Variants in GABRB1 observed in about 807,000 individuals in gnomAD.
The protein encoded by GABRB1 is gamma-aminobutyric acid type A receptor subunit beta1.
In GABRB1, 17 loss-of-function variants were observed where a neutral mutation model predicts 51.6. The ratio of observed to expected loss-of-function variants is 0.33; its 90% CI spans 0.23 to 0.49. GABRB1 has a LOEUF of 0.49. GABRB1 is among the 20% of genes least tolerant of loss of function. The pLI is 0.99. For synonymous variants in GABRB1, 247 were observed against 218.9 expected (o/e 1.13, Z -1.14); for missense variants, 410 against 600.6 (o/e 0.68, Z 3.32).
At chr4:47,075,031 TC>T (rs1416711669) in intron 3 of GABRB1, among the ~76,000 whole-genome samples, 2 of 152,146 alleles carry the variant, frequency 1.3e-5, no homozygotes, top group Non-Finnish European at 2.9e-5. Flanking sequence ...TAAAAATGGC[TC>T]CCATGAGGAT....
chr4:47,424,060 A>G (rs1729181907), intron 8 of GABRB1, among the ~76,000 whole-genome samples: 1 of 152,232 alleles, frequency 6.6e-6, no homozygotes, highest in Admixed American at 6.5e-5. Flanking sequence ...ACAGAGGGAA[A>G]CAATGATAGG....
chr4:47,099,310 T>C (rs909476633), intron 3 of GABRB1, among the ~76,000 whole-genome samples: 12 of 152,074 alleles, frequency 7.9e-5, no homozygotes, highest in African/African-American at 2.7e-4. Context: ...AAGCTGAGAA[T>C]CACTGCTGTA....
intron 3 of GABRB1, among the ~76,000 whole-genome samples, chr4:47,106,274 A>G (rs574372503): frequency 2.0e-5 from 3 of 152,090 alleles, no homozygotes; most frequent in African/African-American, 7.2e-5. Context: ...TAAAAAACCA[A>G]AATTGAACAA....
chr4:47,014,788 G>T (rs1221937689), intron 1 of GABRB1, among the ~76,000 whole-genome samples: 2 of 152,104 alleles, frequency 1.3e-5, no homozygotes, highest in Non-Finnish European at 2.9e-5. Context: ...CATATAATTG[G>T]TAATTAAATC....
intron 2 of GABRB1, 131 bp from the exon 3 acceptor site, chr4:47,032,286 T>C (rs1413311226): frequency 2.2e-6 from 2 of 892,228 alleles, no homozygotes; most frequent in Non-Finnish European, 3.5e-6. Context: ...GGCAGTCCCC[T>C]GAAAGGGGTG....
rs77362003 is a variant in GABRB1 at position 47,074,668 on chromosome 4, C to G, written c.240+42184C>G. Among the ~76,000 whole-genome samples the G allele has an allele frequency of 4.6e-5, 7 of 152,160 alleles. No individual in the cohort carries two copies. The East Asian group carries it at 1.4e-3, about 29-fold the overall frequency. ...ACATGCACAACATGCTAAAAGGGTT[C>G]AGAGGCAGGAGTGACAAACACAGAG... is the stretch of plus-strand genomic sequence containing the variant. On this transcript the variant is annotated intron_variant, in intron 3 of 8. Transcript: ENST00000295454.
intron 1 of GABRB1, among the ~76,000 whole-genome samples, chr4:46,995,435 T>G (rs902045997): frequency 6.6e-6 from 1 of 152,214 alleles, no homozygotes; most frequent in East Asian, 1.9e-4. Context: ...TCATAGTGAC[T>G]GCAGCCTCTA....
chr4:47,131,101 C>T (rs1716394119), intron 3 of GABRB1, among the ~76,000 whole-genome samples: 1 of 152,086 alleles, frequency 6.6e-6, no homozygotes, highest in South Asian at 2.1e-4. Context: ...CCTACCCAGC[C>T]CTGGAAGAAA....
chr4:47,362,673 A>G (rs17571610), intron 5 of GABRB1, among the ~76,000 whole-genome samples: 3,294 of 152,224 alleles, frequency 0.022, 45 homozygotes, highest in Non-Finnish European at 0.034. Flanking sequence ...TAGAGGTTTA[A>G]ATTATTGTCC....
chr4:47,077,984 A>G (rs1727647626), intron 3 of GABRB1, among the ~76,000 whole-genome samples: 1 of 135,844 alleles, frequency 7.4e-6, no homozygotes, highest in Non-Finnish European at 1.5e-5. Flanking sequence ...TATATAATAT[A>G]TAATATATAA....
chr4:47,172,039 G>A (rs989723639), intron 4 of GABRB1, among the ~76,000 whole-genome samples: 1 of 152,070 alleles, frequency 6.6e-6, no homozygotes, highest in Non-Finnish European at 1.5e-5. Flanking sequence ...AGCCTGGTAT[G>A]TCATTTCTTA....
intron 5 of GABRB1, among the ~76,000 whole-genome samples, chr4:47,396,810 C>T (rs1728192871): frequency 6.6e-6 from 1 of 152,172 alleles, no homozygotes; most frequent in Non-Finnish European, 1.5e-5. Context: ...GTAGCTGCAT[C>T]CCCACGTGCT....
intron 3 of GABRB1, among the ~76,000 whole-genome samples, chr4:47,155,315 G>A (rs1717641903): frequency 1.3e-5 from 2 of 151,976 alleles, no homozygotes; most frequent in African/African-American, 4.8e-5. Flanking sequence ...AATATTTTAC[G>A]GGGAACAGAG....
intron 4 of GABRB1, among the ~76,000 whole-genome samples, chr4:47,298,574 C>T (rs1418172219): frequency 6.6e-6 from 1 of 152,020 alleles, no homozygotes; most frequent in Non-Finnish European, 1.5e-5. Context: ...AACCACTGCT[C>T]AATGAAATAA....
rs1318754713 is a variant in GABRB1, at chr4:47,392,360, G to C, written c.545-10958G>C. On this transcript the variant is annotated intron_variant, in intron 5 of 8. Coordinates refer to ENST00000295454, the MANE Select transcript of GABRB1 (RefSeq NM_000812.4). ...CACCTTTTTTTTTTTTTTTTTTTGAGATGGAGTCTCGCTCAGTCACCAGGC... is the reference window on the plus strand; with the variant it reads ...CACCTTTTTTTTTTTTTTTTTTTGACATGGAGTCTCGCTCAGTCACCAGGC... Among the ~76,000 whole-genome samples, 3 of 117,728 alleles carry C rather than the reference G, an allele frequency of 2.5e-5. No homozygotes were observed. The Admixed American group carries it at 2.7e-4, about 11-fold the overall frequency. 77.2% of individuals were successfully genotyped at this position (117,728 alleles called of 152,430 possible). A position where few individuals can be genotyped will look rare whatever the true frequency, so the allele number is the denominator to read the frequency against.
intron 4 of GABRB1, among the ~76,000 whole-genome samples, chr4:47,197,319 G>C (rs927742773): frequency 3.9e-5 from 6 of 152,062 alleles, no homozygotes; most frequent in African/African-American, 1.4e-4. Context: ...TTATTTTTCT[G>C]GATTACCCCT....
At chr4:47,149,676 G>A (rs1560558904) in intron 3 of GABRB1, among the ~76,000 whole-genome samples, 1 of 151,976 alleles carries the variant, frequency 6.6e-6, no homozygotes, top group Non-Finnish European at 1.5e-5. Context: ...ATTTAGATGT[G>A]TATGTTTGAT....
At chr4:47,133,046 G>T (rs950932675) in intron 3 of GABRB1, among the ~76,000 whole-genome samples, 4 of 152,074 alleles carry the variant, frequency 2.6e-5, no homozygotes, top group Admixed American at 2.6e-4. Context: ...ATTCTACTAT[G>T]TCTTAATTTT....
At chr4:47,406,560 A>G in intron 7 of GABRB1, 122 bp from the exon 8 acceptor site, 2 of 1,211,800 alleles carry the variant, frequency 1.7e-6, no homozygotes, top group Middle Eastern at 4.3e-4. Context: ...ATGGTTTATC[A>G]TGCTACTGTG....
Sources: allele counts gnomAD v4.1 joint callset (sites outside exome capture counted in the v4.1 genomes callset), GRCh38; gene constraint gnomAD v4.1.1; transcripts MANE v1.5; gene names NCBI Gene and HGNC (gene_info 2026-07-23, HGNC 2026-07-21).